CNTNAP3: variants seen among roughly 807,000 people sequenced by gnomAD.
CNTNAP3 encodes contactin-associated protein-like 3.
Under a neutral mutation model 92.1 loss-of-function variants are expected in CNTNAP3, and 36 were observed. That is an observed-to-expected ratio of 0.39 (90% CI 0.30 to 0.52). CNTNAP3 has a LOEUF of 0.52. Ranked by LOEUF, CNTNAP3 falls within the 20% of genes least tolerant of loss-of-function variation. CNTNAP3 has a pLI of 0.76. For synonymous variants in CNTNAP3, 232 were observed against 422.3 expected, an observed-to-expected ratio of 0.55 and a Z score of 5.53; for missense variants, 534 against 1,069.6, an observed-to-expected ratio of 0.50 and a Z score of 6.98.
chr9:39,225,828 C>G (rs1417725595), intron 3 of CNTNAP3, among the ~76,000 whole-genome samples: 1 of 32,032 alleles, frequency 3.1e-5, no homozygotes, highest in African/African-American at 4.8e-5. Flanking sequence ...ATCCCTCTAT[C>G]TCTTTCTTTA....
At chr9:39,087,588 G>A (rs1255863249) in intron 19 of CNTNAP3, among the ~76,000 whole-genome samples, 1 of 152,054 alleles carries the variant, frequency 6.6e-6, no homozygotes, top group African/African-American at 2.4e-5. Flanking sequence ...CTGGGTTCAC[G>A]CCATTCTCCT....
Position 39,226,934 on chromosome 9 carries a change from ATGTG to A in CNTNAP3, c.390+12055_390+12058del, listed in dbSNP as rs369126023. On this transcript the variant is annotated intron_variant, in intron 3 of 23. Coordinates refer to ENST00000297668, the MANE Select transcript of CNTNAP3 (RefSeq NM_033655.5). ...ATAGTATTCCATGGTGTGTATGTAT[ATGTG>A]TGTATATATATATACCATATTTTCT... 7.0e-3 allele frequency among the ~76,000 whole-genome samples: 72 copies of A among 10,346 alleles called. 27 individuals carry two copies. The highest frequency in any genetic ancestry group is 0.023 in the East Asian group (12 of 518). The allele number at this position is 10,346 out of a possible 152,430, so 6.8% of individuals were successfully genotyped here.
Position 39,239,127 on chromosome 9 carries a change from C to T in CNTNAP3, c.256G>A (p.Gly86Arg), listed in dbSNP as rs1054862006. Reference sequence around the variant, plus strand: ...ACAGCAGTGACCTCCATTCTCTCTCCAAGGTCAATTTGCAGCCATTGGTAT... The same window carrying T: ...ACAGCAGTGACCTCCATTCTCTCTCTAAGGTCAATTTGCAGCCATTGGTAT... ...NKYQWLQIDL[G>R]ERMEVTAVAT... Residue 86 changes from glycine to arginine, a missense_variant, in exon 3 of 24, where the codon GGA (glycine) becomes AGA (arginine). By Grantham distance (125) the Gly-to-Arg change is moderately radical. Coordinates refer to ENST00000297668, the MANE Select transcript of CNTNAP3 (RefSeq NM_033655.5). 6.4e-5 allele frequency: 3 copies of T among 47,140 alleles called. 1 individual carries two copies. The highest frequency in any genetic ancestry group is 1.0e-4 in the Non-Finnish European group (3 of 29,552). The allele number at this position is 47,140 out of a possible 1,614,324, so 2.9% of individuals were successfully genotyped here. A position where few individuals can be genotyped will look rare whatever the true frequency, so the allele number is the denominator to read the frequency against.
intron 11 of CNTNAP3, among the ~76,000 whole-genome samples, chr9:39,142,011 T>C (rs561709524): frequency 2.0e-5 from 3 of 152,140 alleles, no homozygotes; most frequent in Non-Finnish European, 4.4e-5. Flanking sequence ...TGAATGACTG[T>C]GGACTTGGCA....
chr9:39,146,013 A>G (rs7035089), intron 10 of CNTNAP3, among the ~76,000 whole-genome samples: 30,578 of 143,134 alleles, frequency 0.21, 2,016 homozygotes, highest in East Asian at 0.26. Flanking sequence ...CTGCTGTTTG[A>G]TATCAACAGG....
chr9:39,146,916 C>A (rs796883296), intron 10 of CNTNAP3, among the ~76,000 whole-genome samples: 6 of 152,118 alleles, frequency 3.9e-5, no homozygotes, highest in South Asian at 2.1e-4. Flanking sequence ...GGCTGTGTCC[C>A]CACCCAAATC....
At position 39,127,905 on chromosome 9, in the gene CNTNAP3, C is replaced by A. The variant is rs565272755; in HGVS notation, c.2080+5027G>T. Among the ~76,000 whole-genome samples, 23 of 152,150 alleles carry A rather than the reference C, an allele frequency of 1.5e-4. No individual in the cohort carries two copies. In the South Asian group the frequency reaches 4.8e-3, roughly 32 times the overall value. ...CCAGGCTGGAGTGCAGTGGTGTGAT[C>A]TTGGCTCACTGCAACCTCTGCCTCC... On this transcript the variant is annotated intron_variant, in intron 13 of 23. Transcript: ENST00000297668.
At chr9:39,091,290 A>G (rs1332311202) in intron 18 of CNTNAP3, among the ~76,000 whole-genome samples, 6 of 152,312 alleles carry the variant, frequency 3.9e-5, no homozygotes, top group African/African-American at 1.4e-4. Flanking sequence ...GGAAAAAAAC[A>G]TTCAGTCTTT....
intron 23 of CNTNAP3, among the ~76,000 whole-genome samples, chr9:39,077,945 C>T (rs540759305): frequency 3.7e-4 from 57 of 152,260 alleles, no homozygotes; most frequent in Non-Finnish European, 6.3e-4. Context: ...GTGGCTCACG[C>T]CTGTGATCTC....
chr9:39,067,395 C>T lies in CNTNAP3; in HGVS notation c.*6495G>A, dbSNP rs1446230411. Among the ~76,000 whole-genome samples, 1 of 152,310 alleles carries T rather than the reference C, an allele frequency of 6.6e-6. No individual in the cohort carries two copies. The highest frequency in any genetic ancestry group is 6.5e-5 in the Admixed American group (1 of 15,294). ...TATACCAGACATTGTGATTTTACCTCGTTGGGTGTTGGATTTTTTTTTGAT... is the reference window on the plus strand; with the variant it reads ...TATACCAGACATTGTGATTTTACCTTGTTGGGTGTTGGATTTTTTTTTGAT... On this transcript the variant is annotated 3_prime_UTR_variant, in exon 24 of 24. Coordinates refer to ENST00000297668, the MANE Select transcript of CNTNAP3 (RefSeq NM_033655.5).
intron 13 of CNTNAP3, among the ~76,000 whole-genome samples, chr9:39,132,372 T>C (rs989010080): frequency 6.6e-6 from 1 of 152,052 alleles, no homozygotes; most frequent in Non-Finnish European, 1.5e-5. Context: ...ATATGAAGAT[T>C]AAGGTATACA....
In CNTNAP3 at chr9:39,100,022, A is replaced by G. The variant is rs1347263562; in HGVS notation, c.2884T>C (p.Cys962Arg). ...PGVEPGCAGH[C>R]STYGHLCRNG... Reference sequence around the variant, plus strand: ...CGACACAAGTGTCCATAGGTGCTGCAGTGTCCTGCACACCCTGGCTCCACT... The same window carrying G: ...CGACACAAGTGTCCATAGGTGCTGCGGTGTCCTGCACACCCTGGCTCCACT... Residue 962 changes from cysteine to arginine, a missense_variant, in exon 18 of 24, where the codon TGC (cysteine) becomes CGC (arginine). Coordinates refer to ENST00000297668, the MANE Select transcript of CNTNAP3 (RefSeq NM_033655.5). 6.3e-7 allele frequency: 1 copy of G among 1,589,908 alleles called. No individual in the cohort carries two copies. Among genetic ancestry groups the G allele is most frequent in the East Asian group, 2.3e-5 (1 of 43,858 alleles).
rs183647137 is a variant in CNTNAP3, at chr9:39,093,032, C to T, written c.2996-4385G>A. Among the ~76,000 whole-genome samples, 71 of 143,534 alleles carry T rather than the reference C, an allele frequency of 4.9e-4. 1 individual carries two copies. In the East Asian group the frequency reaches 0.013, roughly 27 times the overall value. 94.2% of individuals were successfully genotyped at this position (143,534 alleles called of 152,430 possible). ...TCTGGTATTAGTATAGTCCCTTTGG[C>T]TCTCTAGGGTTACTCTTTGCATGGT... On this transcript the variant is annotated intron_variant, in intron 18 of 23. Coordinates refer to ENST00000297668, the MANE Select transcript of CNTNAP3 (RefSeq NM_033655.5).
intron 21 of CNTNAP3, among the ~76,000 whole-genome samples, chr9:39,080,259 T>C (rs1307678113): frequency 7.0e-6 from 1 of 141,930 alleles, no homozygotes; most frequent in Non-Finnish European, 1.5e-5. Flanking sequence ...CCACCCTCAA[T>C]ATCTGATCAC....
rs894858691 is a variant in CNTNAP3, at chr9:39,069,017, T to C, written c.*4873A>G. Among the ~76,000 whole-genome samples the C allele has an allele frequency of 4.6e-5, 6 of 129,056 alleles. No homozygotes were observed. Among genetic ancestry groups the C allele is most frequent in the East Asian group, 2.5e-4 (1 of 3,974 alleles). 84.7% of individuals were successfully genotyped at this position (129,056 alleles called of 152,430 possible). On this transcript the variant is annotated 3_prime_UTR_variant, in exon 24 of 24. Transcript: ENST00000297668. ...AAATATATGTAAGTATAAACACACA[T>C]ACACATATATATATGTATGTATATA...
At chr9:39,148,423 CAG>C (rs1366496082) in intron 10 of CNTNAP3, among the ~76,000 whole-genome samples, 1 of 151,926 alleles carries the variant, frequency 6.6e-6, no homozygotes, top group Non-Finnish European at 1.5e-5. Context: ...CCTGTTTAGC[CAG>C]AGAGGATAAT....
intron 9 of CNTNAP3, chr9:39,155,191 CTT>C: frequency 6.8e-6 from 1 of 146,498 alleles, no homozygotes; most frequent in Non-Finnish European, 1.5e-5. Flanking sequence ...GTTTCTTTTT[CTT>C]TTCCATTGTC....
chr9:39,097,593 G>C (rs1057466624), intron 18 of CNTNAP3, among the ~76,000 whole-genome samples: 6 of 151,816 alleles, frequency 4.0e-5, no homozygotes, highest in African/African-American at 1.5e-4. Context: ...TGCGTGGACA[G>C]AGCTTCTGTC....
intron 8 of CNTNAP3, among the ~76,000 whole-genome samples, chr9:39,168,258 C>A (rs892988336): frequency 6.7e-6 from 1 of 150,158 alleles, no homozygotes; most frequent in African/African-American, 2.4e-5. Context: ...ACCTCGTGAT[C>A]TGCATGCCTT....
Sources: allele counts gnomAD v4.1 joint callset (sites outside exome capture counted in the v4.1 genomes callset), GRCh38; gene constraint gnomAD v4.1.1; transcripts MANE v1.5; gene names NCBI Gene and HGNC (gene_info 2026-07-23, HGNC 2026-07-21).